The following PPM1H variants were observed in gnomAD, a reference collection of about 807,000 sequenced individuals.
PPM1H encodes the protein protein phosphatase 1H.
A neutral mutation model predicts 54.9 loss-of-function variants in PPM1H; 27 were observed. The ratio of observed to expected loss-of-function variants is 0.49; its 90% CI spans 0.36 to 0.68. PPM1H has a LOEUF of 0.68. PPM1H is among the 30% of genes least tolerant of loss of function. The probability of loss-of-function intolerance (pLI) is 0.00; values close to 1 mark genes in which losing one functional copy is unlikely to be tolerated. For synonymous variants in PPM1H, 305 were observed against 270.8 expected (o/e 1.13, Z -1.24); for missense variants, 596 against 667.8 (o/e 0.89, Z 1.19).
At chr12:62,808,497 CT>C (rs1382866306) in intron 2 of PPM1H, among the ~76,000 whole-genome samples, 9 of 152,064 alleles carry the variant, frequency 5.9e-5, no homozygotes, top group Non-Finnish European at 1.0e-4. Flanking sequence ...TGGTCATTTT[CT>C]TTTATGAGTC....
chr12:62,813,808 A>G (rs1449990397), intron 2 of PPM1H, among the ~76,000 whole-genome samples: 1 of 152,204 alleles, frequency 6.6e-6, no homozygotes, highest in Non-Finnish European at 1.5e-5. Flanking sequence ...TTAGCTAATG[A>G]TAGCAGGAAG....
rs2075790942 is a variant in PPM1H, at chr12:62,647,234, A to ATGAT, written c.*1251_*1254dup. 6.6e-6 allele frequency: 1 copy of ATGAT among 152,292 alleles called. No individual in the cohort carries two copies. Among genetic ancestry groups the ATGAT allele is most frequent in the Non-Finnish European group, 1.5e-5 (1 of 68,078 alleles). 9.4% of individuals were successfully genotyped at this position (152,292 alleles called of 1,614,324 possible). ...TAGAGGGACCTTGAGGAGCTGGGAC[A>ATGAT]TGATTCTTTAGAGAAGAGAAGAGAC... On this transcript the variant is annotated 3_prime_UTR_variant, in exon 10 of 10. Coordinates refer to ENST00000228705, the MANE Select transcript of PPM1H (RefSeq NM_020700.2).
intron 1 of PPM1H, among the ~76,000 whole-genome samples, chr12:62,882,068 A>C (rs1288447563): frequency 6.6e-6 from 1 of 152,258 alleles, no homozygotes; most frequent in Non-Finnish European, 1.5e-5. Context: ...AAGTAAGTCA[A>C]ATACTGGAAA....
At chr12:62,756,164 G>A in intron 4 of PPM1H, 1 of 846,046 alleles carries the variant, frequency 1.2e-6, no homozygotes, top group Non-Finnish European at 2.0e-6. Context: ...TCATTTCCTG[G>A]TATGACAATG....
intron 1 of PPM1H, among the ~76,000 whole-genome samples, chr12:62,859,309 A>G (rs1189063217): frequency 2.0e-5 from 3 of 152,152 alleles, no homozygotes; most frequent in Non-Finnish European, 4.4e-5. Flanking sequence ...TGGATGTTAC[A>G]TTTTCACATC....
intron 1 of PPM1H, among the ~76,000 whole-genome samples, chr12:62,888,065 C>T (rs1028858270): frequency 2.0e-5 from 3 of 152,080 alleles, no homozygotes; most frequent in East Asian, 1.9e-4. Context: ...GCAGGAAAAG[C>T]AGTTAGGAGT....
In PPM1H at chr12:62,822,401, C is replaced by T. The variant is rs539201734; in HGVS notation, c.411+9713G>A. On this transcript the variant is annotated intron_variant, in intron 2 of 9. Coordinates refer to ENST00000228705, the MANE Select transcript of PPM1H (RefSeq NM_020700.2). ...TGAACTCAGCTCTGCACCAAGAGGA[C>T]GTGACAGACATCTACAGAACTCTCC... Among the ~76,000 whole-genome samples, 10 of 152,308 alleles carry T rather than the reference C, an allele frequency of 6.6e-5. No individual in the cohort carries two copies. In the South Asian group the frequency reaches 1.5e-3, roughly 22 times the overall value.
intron 1 of PPM1H, among the ~76,000 whole-genome samples, chr12:62,884,215 C>A (rs751684286): frequency 6.6e-6 from 1 of 151,970 alleles, no homozygotes; most frequent in Non-Finnish European, 1.5e-5. Context: ...AGACTGGGCA[C>A]GGTGACTCAA....
chr12:62,648,222 A>C lies in PPM1H; in HGVS notation c.*267T>G. 2.7e-6 allele frequency: 1 copy of C among 376,728 alleles called. No individual in the cohort carries two copies. Among genetic ancestry groups the C allele is most frequent in the Non-Finnish European group, 4.9e-6 (1 of 202,624 alleles). The allele number at this position is 376,728 out of a possible 1,614,324, so 23.3% of individuals were successfully genotyped here. A position where few individuals can be genotyped will look rare whatever the true frequency, so the allele number is the denominator to read the frequency against. On this transcript the variant is annotated 3_prime_UTR_variant, in exon 10 of 10. Coordinates refer to ENST00000228705, the MANE Select transcript of PPM1H (RefSeq NM_020700.2). Reference sequence around the variant, plus strand: ...TATATACCCCAAATAGTCAATGGCCACCTCGGAGGCCTATGAAAGGAACTG... The same window carrying C: ...TATATACCCCAAATAGTCAATGGCCCCCTCGGAGGCCTATGAAAGGAACTG...
chr12:62,916,633 T>G (rs1212042775), intron 1 of PPM1H, among the ~76,000 whole-genome samples: 1 of 152,128 alleles, frequency 6.6e-6, no homozygotes, highest in Non-Finnish European at 1.5e-5. Context: ...ATTTTTTTTT[T>G]TGGTGACAAA....
At chr12:62,813,555 A>G (rs2076848561) in intron 2 of PPM1H, among the ~76,000 whole-genome samples, 1 of 152,208 alleles carries the variant, frequency 6.6e-6, no homozygotes, top group South Asian at 2.1e-4. Flanking sequence ...TTTTAAATTA[A>G]AATTATTCCT....
At chr12:62,818,873 T>A (rs992783280) in intron 2 of PPM1H, among the ~76,000 whole-genome samples, 2 of 146,232 alleles carry the variant, frequency 1.4e-5, no homozygotes, top group African/African-American at 5.1e-5. Flanking sequence ...CAGGCTGGAG[T>A]GCAGTGGTGT....
intron 6 of PPM1H, among the ~76,000 whole-genome samples, chr12:62,705,998 C>T (rs2076172241): frequency 6.6e-6 from 1 of 152,236 alleles, no homozygotes; most frequent in African/African-American, 2.4e-5. Context: ...GCTTCTCCCA[C>T]TCTGCTCAGA....
At chr12:62,831,975 G>T in intron 2 of PPM1H, 139 bp downstream of exon 2, 1 of 997,072 alleles carries the variant, frequency 1.0e-6, no homozygotes, top group Non-Finnish European at 1.5e-6. Context: ...GTGACGATAG[G>T]CCCGCCACCC....
chr12:62,891,411 A>G (rs1203359480), intron 1 of PPM1H, among the ~76,000 whole-genome samples: 5 of 152,212 alleles, frequency 3.3e-5, no homozygotes. Flanking sequence ...CAATTATTGA[A>G]GAAGCTTTTA....
intron 1 of PPM1H, among the ~76,000 whole-genome samples, chr12:62,849,632 A>G (rs1046460659): frequency 3.3e-5 from 5 of 152,204 alleles, no homozygotes; most frequent in African/African-American, 4.8e-5. Context: ...TCAAGTGCCC[A>G]CTAGATATGG....
In PPM1H at chr12:62,844,454, T is replaced by C. The variant is rs1248629239; in HGVS notation, c.246-12175A>G. On this transcript the variant is annotated intron_variant, in intron 1 of 9. Transcript: ENST00000228705. This position sits in a 1 kb window ranked among gnomAD's most constrained non-coding sequence, Gnocchi z 5.2. ...GCAGAAATAGCAACTGCATGCTACATGATTCAGGCTACGTAGCCACATTCC... is the reference window on the plus strand; with the variant it reads ...GCAGAAATAGCAACTGCATGCTACACGATTCAGGCTACGTAGCCACATTCC... Among the ~76,000 whole-genome samples, 4 of 152,204 alleles carry C rather than the reference T, an allele frequency of 2.6e-5. No individual in the cohort carries two copies. The highest frequency in any genetic ancestry group is 7.2e-5 in the African/African-American group (3 of 41,448).
chr12:62,910,757 A>G (rs1228108981), intron 1 of PPM1H, among the ~76,000 whole-genome samples: 1 of 152,174 alleles, frequency 6.6e-6, no homozygotes, highest in Non-Finnish European at 1.5e-5. Context: ...AACAACTGTT[A>G]TCTCCCTCTA....
intron 1 of PPM1H, among the ~76,000 whole-genome samples, chr12:62,920,828 T>C (rs958143860): frequency 1.3e-4 from 20 of 152,182 alleles, no homozygotes; most frequent in African/African-American, 4.8e-4. Context: ...ATTCACCTTT[T>C]CAAAAAGGCA....
Sources: allele counts gnomAD v4.1 joint callset (sites outside exome capture counted in the v4.1 genomes callset), GRCh38; gene constraint gnomAD v4.1.1; non-coding constraint Gnocchi (gnomAD v3.1); transcripts MANE v1.5; gene names NCBI Gene and HGNC (gene_info 2026-07-23, HGNC 2026-07-21).